The following SFXN1 variants were observed in gnomAD, a reference collection of about 807,000 sequenced individuals.
SFXN1 encodes sideroflexin-1.
In SFXN1, 32 loss-of-function variants were observed where a neutral mutation model predicts 39.5. The observed-to-expected ratio is 0.81, with a 90% CI of 0.61 to 1.09. The LOEUF (loss-of-function observed/expected upper bound fraction) is 1.09, where lower values mean the gene tolerates loss of function less well. Among genes scored for constraint, SFXN1 ranks in the 50% least tolerant of loss-of-function variants. SFXN1 has a pLI of 0.00. For synonymous variants in SFXN1, 136 were observed against 146.5 expected (o/e 0.93, Z 0.52); for missense variants, 402 against 407.1 (o/e 0.99, Z 0.11).
chr5:175,511,603 T>C, intron 5 of SFXN1, 77 bp downstream of exon 5: 1 of 1,150,746 alleles, frequency 8.7e-7, no homozygotes, highest in Admixed American at 1.9e-5. Context: ...CTCTATTATT[T>C]CTTAAACTAG....
At chr5:175,520,163 C>T (rs1216637501) in intron 8 of SFXN1, among the ~76,000 whole-genome samples, 4 of 151,854 alleles carry the variant, frequency 2.6e-5, no homozygotes, top group Admixed American at 2.6e-4. Flanking sequence ...CCACCACACC[C>T]AGCCTGACTT....
chr5:175,487,353 G>A (rs928748837), intron 1 of SFXN1, among the ~76,000 whole-genome samples: 3 of 152,202 alleles, frequency 2.0e-5, no homozygotes, highest in Admixed American at 6.5e-5. Flanking sequence ...TTCCCAAGGA[G>A]GGGAGGTTTA....
intron 1 of SFXN1, 40 bp from the exon 2 acceptor site, chr5:175,492,047 AGTGACATT>A: frequency 7.0e-7 from 1 of 1,432,158 alleles, no homozygotes; most frequent in Non-Finnish European, 9.5e-7. Flanking sequence ...CTAAATACGT[AGTGACATT>A]GTAAGCCTTA....
intron 1 of SFXN1, among the ~76,000 whole-genome samples, chr5:175,490,860 C>T (rs1439021490): frequency 1.5e-5 from 2 of 130,568 alleles, no homozygotes; most frequent in African/African-American, 2.6e-5. Context: ...GCAAAAAAAA[C>T]AAGATCTTAA....
At chr5:175,489,480 G>A (rs1205440516) in intron 1 of SFXN1, among the ~76,000 whole-genome samples, 1 of 152,176 alleles carries the variant, frequency 6.6e-6, no homozygotes, top group Non-Finnish European at 1.5e-5. Flanking sequence ...TGCTTTTCAG[G>A]ATAGGAACTG....
At chr5:175,492,516 AT>A (rs1215181412) in intron 2 of SFXN1, 3 of 309,622 alleles carry the variant, frequency 9.7e-6, no homozygotes, top group African/African-American at 6.5e-5. Flanking sequence ...GTAGATACCA[AT>A]CCCTTTCTCC....
intron 2 of SFXN1, among the ~76,000 whole-genome samples, chr5:175,500,530 T>A (rs1169963832): frequency 6.6e-6 from 1 of 151,404 alleles, no homozygotes; most frequent in Non-Finnish European, 1.5e-5. Flanking sequence ...ATTGGAAGAC[T>A]CAATATTGTT....
chr5:175,521,913 A>G lies in SFXN1; in HGVS notation c.775-6A>G. 6.3e-7 allele frequency: 1 copy of G among 1,595,720 alleles called. No homozygotes were observed. The highest frequency in any genetic ancestry group is 8.6e-7 in the Non-Finnish European group (1 of 1,167,432). On this transcript the variant is annotated splice_polypyrimidine_tract_variant and splice_region_variant and intron_variant, in intron 8 of 10. Coordinates refer to ENST00000321442, the MANE Select transcript of SFXN1 (RefSeq NM_022754.7). Reference sequence around the variant, plus strand: ...AGTATTCAAAGCCATTTATTTCTCAACACAGAGGTTCCCATGGATGAGTGC... The same window carrying G: ...AGTATTCAAAGCCATTTATTTCTCAGCACAGAGGTTCCCATGGATGAGTGC...
At chr5:175,516,444 A>G (rs181034534) in intron 7 of SFXN1, among the ~76,000 whole-genome samples, 170 bp from the exon 8 acceptor site, 1 of 152,354 alleles carries the variant, frequency 6.6e-6, no homozygotes, top group African/African-American at 2.4e-5. Flanking sequence ...ACAGTTTTCA[A>G]TCTAATGAAT....
intron 2 of SFXN1, among the ~76,000 whole-genome samples, chr5:175,502,700 G>A (rs1283600250): frequency 6.6e-6 from 1 of 152,100 alleles, no homozygotes; most frequent in Non-Finnish European, 1.5e-5. Flanking sequence ...AATTAGCCGG[G>A]CATGGTGGCA....
chr5:175,516,849 T>G (rs867635342), intron 8 of SFXN1, among the ~76,000 whole-genome samples, 186 bp downstream of exon 8: 4 of 152,234 alleles, frequency 2.6e-5, no homozygotes, highest in Admixed American at 1.3e-4. Context: ...AAAAGCTTTT[T>G]GTAAATAAAG....
intron 2 of SFXN1, among the ~76,000 whole-genome samples, chr5:175,500,107 G>A (rs1322614829): frequency 1.3e-5 from 2 of 152,130 alleles, no homozygotes; most frequent in East Asian, 3.9e-4. Flanking sequence ...AGAATCACTT[G>A]AACCTGGGAG....
chr5:175,492,447 C>A (rs267384), intron 2 of SFXN1, 180 bp downstream of exon 2: 212,251 of 540,402 alleles, frequency 0.39, 45,894 homozygotes, highest in Non-Finnish European at 0.47. Flanking sequence ...ATTGCTCGCC[C>A]TTAACACAGA....
intron 5 of SFXN1, among the ~76,000 whole-genome samples, chr5:175,511,806 T>A (rs112408634): frequency 1.3e-5 from 2 of 152,188 alleles, no homozygotes; most frequent in African/African-American, 4.8e-5. Context: ...GAGGGCAGTG[T>A]GCCTCAGGCC....
At chr5:175,493,543 G>A (rs1002667332) in intron 2 of SFXN1, among the ~76,000 whole-genome samples, 3 of 152,228 alleles carry the variant, frequency 2.0e-5, no homozygotes, top group Admixed American at 6.5e-5. Flanking sequence ...GCAGATAAAC[G>A]AACAGCAGAA....
intron 1 of SFXN1, among the ~76,000 whole-genome samples, chr5:175,483,170 A>G (rs1394736532): frequency 6.6e-6 from 1 of 152,190 alleles, no homozygotes; most frequent in African/African-American, 2.4e-5. Flanking sequence ...TTAGGGGTAA[A>G]ATAATTTTTC....
At chr5:175,524,295 C>T (rs1760993148) in intron 10 of SFXN1, among the ~76,000 whole-genome samples, 1 of 151,092 alleles carries the variant, frequency 6.6e-6, no homozygotes, top group Non-Finnish European at 1.5e-5. Context: ...TTTAGTTTGT[C>T]TTAGGAACTT....
At chr5:175,511,356 T>A in intron 4 of SFXN1, 95 bp from the exon 5 acceptor site, 1 of 914,844 alleles carries the variant, frequency 1.1e-6, no homozygotes, top group Non-Finnish European at 1.8e-6. Flanking sequence ...TGAATCATGC[T>A]CTTTTATATT....
intron 8 of SFXN1, among the ~76,000 whole-genome samples, chr5:175,518,014 A>T (rs1223076659): frequency 6.6e-6 from 1 of 152,162 alleles, no homozygotes. Context: ...GGGAGCATTC[A>T]GCATGACTCA....
Sources: allele counts gnomAD v4.1 joint callset (sites outside exome capture counted in the v4.1 genomes callset), GRCh38; gene constraint gnomAD v4.1.1; transcripts MANE v1.5; gene names NCBI Gene and HGNC (gene_info 2026-07-23, HGNC 2026-07-21).